THAP6: variants seen among roughly 807,000 people sequenced by gnomAD.
The protein encoded by THAP6 is THAP domain containing 6.
In THAP6, 13 loss-of-function variants were observed where a neutral mutation model predicts 20.0. The ratio of observed to expected loss-of-function variants is 0.65; its 90% CI spans 0.42 to 1.03. THAP6 has a LOEUF of 1.03. Among genes scored for constraint, THAP6 ranks in the 50% least tolerant of loss-of-function variants. The pLI is 0.00. For synonymous variants in THAP6, 93 were observed against 92.2 expected (o/e 1.01, Z -0.05); for missense variants, 262 against 261.6 (o/e 1.00, Z -0.01).
chr4:75,522,038 T>C (rs1423994393), intron 4 of THAP6, 177 bp downstream of exon 4: 3 of 648,458 alleles, frequency 4.6e-6, no homozygotes, highest in Non-Finnish European at 7.3e-6. Context: ...AAAATAGAGG[T>C]AGTTAATCCT....
intron 2 of THAP6, among the ~76,000 whole-genome samples, chr4:75,541,494 T>C (rs1260986833): frequency 6.6e-6 from 1 of 151,700 alleles, no homozygotes; most frequent in African/African-American, 2.4e-5. Context: ...AGAAAAGATA[T>C]ATGCAAACTT....
chr4:75,523,525 C>T (rs965279564), intron 4 of THAP6, among the ~76,000 whole-genome samples: 14 of 151,932 alleles, frequency 9.2e-5, no homozygotes, highest in African/African-American at 3.1e-4. Context: ...ATCTTTAGGC[C>T]GGGTGTGATG....
At chr4:75,530,883 G>A (rs570763251), downstream of THAP6, among the ~76,000 whole-genome samples, 1 of 152,176 alleles carries the variant, frequency 6.6e-6, no homozygotes, top group African/African-American at 2.4e-5. Flanking sequence ...TCTAAATTTT[G>A]CAGGGGACAG....
At chr4:75,522,314 T>A (rs1176046491) in intron 4 of THAP6, 1 of 157,152 alleles carries the variant, frequency 6.4e-6, no homozygotes, top group Non-Finnish European at 1.4e-5. Context: ...TTTTTCTATT[T>A]TTGTGGGTAC....
downstream of THAP6, among the ~76,000 whole-genome samples, chr4:75,532,639 T>G (rs554107932): frequency 2.2e-4 from 33 of 152,352 alleles, no homozygotes; most frequent in Admixed American, 6.5e-4. Context: ...AACAAACTTC[T>G]GCCTGGGCAT....
intron 2 of THAP6, chr4:75,539,956 T>C (rs1223682890): frequency 6.5e-7 from 1 of 1,535,742 alleles, no homozygotes; most frequent in Admixed American, 2.0e-5. Flanking sequence ...GCAACAGTGG[T>C]CAGGTAGGCT....
intron 4 of THAP6, among the ~76,000 whole-genome samples, chr4:75,523,268 G>T (rs757578519): frequency 1.4e-4 from 21 of 152,140 alleles, no homozygotes; most frequent in Non-Finnish European, 2.8e-4. Context: ...TGTGTATTCA[G>T]ATGTTTTGCC....
chr4:75,528,764 A>G lies in THAP6; in HGVS notation c.*1550A>G. ...AGTAGTAAAAAGGTAGTTAAAAAAAAAAAAGGCCGGGTGGTGGCTCATACC... is the reference window on the plus strand; with the variant it reads ...AGTAGTAAAAAGGTAGTTAAAAAAAGAAAAGGCCGGGTGGTGGCTCATACC... On this transcript the variant is annotated 3_prime_UTR_variant, in exon 5 of 5. Transcript: ENST00000311638. 2 of 984,600 alleles carry G rather than the reference A, an allele frequency of 2.0e-6. No homozygotes were observed. Among genetic ancestry groups the G allele is most frequent in the Non-Finnish European group, 2.4e-6 (2 of 829,658 alleles). The allele number at this position is 984,600 out of a possible 1,614,324, so 61.0% of individuals were successfully genotyped here. A position where few individuals can be genotyped will look rare whatever the true frequency, so the allele number is the denominator to read the frequency against.
rs183647481 is a variant in THAP6, at chr4:75,537,478, C to A, written c.166-4931C>A. Among the ~76,000 whole-genome samples, 901 of 151,790 alleles carry A rather than the reference C, an allele frequency of 5.9e-3. 10 individuals carry two copies. The highest frequency in any genetic ancestry group is 0.021 in the African/African-American group (863 of 41,084). ...ACCCATTTTGCTTGGCTCTCATTCTCTCTCTTTGCCTGCCACCATCCTCTT... is the reference window on the plus strand; with the variant it reads ...ACCCATTTTGCTTGGCTCTCATTCTATCTCTTTGCCTGCCACCATCCTCTT... On this transcript the variant is annotated intron_variant, in intron 2 of 4. Transcript: ENST00000502620.
downstream of THAP6, chr4:75,530,033 A>G (rs1438075233): frequency 1.0e-6 from 1 of 977,618 alleles, no homozygotes; most frequent in African/African-American, 1.8e-5. Flanking sequence ...GTAATGTGTT[A>G]TGTGGTTTTA....
intron 4 of THAP6, chr4:75,522,088 G>A: frequency 4.4e-6 from 2 of 454,492 alleles, no homozygotes; most frequent in Non-Finnish European, 7.7e-6. Context: ...GCTTTTGCAA[G>A]GATATTTCTA....
upstream of THAP6, chr4:75,513,925 A>G (rs955329108): frequency 3.2e-6 from 1 of 308,630 alleles, no homozygotes; most frequent in Non-Finnish European, 5.9e-6. Context: ...TTCGGCAGCA[A>G]AAGACGAATA....
At chr4:75,543,720 G>A (rs942468251) in intron 3 of THAP6, among the ~76,000 whole-genome samples, 1 of 152,200 alleles carries the variant, frequency 6.6e-6, no homozygotes, top group African/African-American at 2.4e-5. Flanking sequence ...AACTGGATAG[G>A]TACTGGGCTG....
upstream of THAP6, chr4:75,514,278 C>T: frequency 6.2e-7 from 1 of 1,612,410 alleles, no homozygotes. Context: ...CCCGGGCCGT[C>T]GCCGCCATCT....
At position 75,527,787 on chromosome 4, in the gene THAP6, T is replaced by C. The variant is rs897752916; in HGVS notation, c.*573T>C. 3.0e-6 allele frequency: 3 copies of C among 985,960 alleles called. No homozygotes were observed. The highest frequency in any genetic ancestry group is 3.5e-5 in the African/African-American group (2 of 57,200). The allele number at this position is 985,960 out of a possible 1,614,324, so 61.1% of individuals were successfully genotyped here. ...GTGAAGATCTGTGGGCTTTTAAAAT[T>C]GTTCACAGCCAATTTAAGAAGACCC... On this transcript the variant is annotated 3_prime_UTR_variant, in exon 5 of 5. Coordinates refer to ENST00000311638, the MANE Select transcript of THAP6 (RefSeq NM_144721.6).
At position 75,527,704 on chromosome 4, in the gene THAP6, G is replaced by T. The variant is rs957748520; in HGVS notation, c.*490G>T. On this transcript the variant is annotated 3_prime_UTR_variant, in exon 5 of 5. Transcript: ENST00000311638. Reference sequence around the variant, plus strand: ...ATCCAAGGTGCTTTAGCTATCAGTAGTACCAAAGGATCTTTTTACAAGGCT... The same window carrying T: ...ATCCAAGGTGCTTTAGCTATCAGTATTACCAAAGGATCTTTTTACAAGGCT... 1 of 990,148 alleles carries T rather than the reference G, an allele frequency of 1.0e-6. No individual in the cohort carries two copies. Among genetic ancestry groups the T allele is most frequent in the African/African-American group, 1.7e-5 (1 of 57,358 alleles). The allele number at this position is 990,148 out of a possible 1,614,324, so 61.3% of individuals were successfully genotyped here.
At chr4:75,522,042 T>A in intron 4 of THAP6, 181 bp downstream of exon 4, 1 of 645,752 alleles carries the variant, frequency 1.5e-6, no homozygotes, top group Non-Finnish European at 2.5e-6. Flanking sequence ...TAGAGGTAGT[T>A]AATCCTTTGG....
At chr4:75,526,830 T>C in intron 4 of THAP6, 130 bp from the exon 5 acceptor site, 1 of 1,382,522 alleles carries the variant, frequency 7.2e-7, no homozygotes, top group Non-Finnish European at 9.6e-7. Context: ...CCTGTGTTCC[T>C]TAAACCTCTA....
chr4:75,516,995 A>T lies in THAP6; in HGVS notation c.288+16A>T. 6.8e-7 allele frequency: 1 copy of T among 1,467,654 alleles called. No individual in the cohort carries two copies. The highest frequency in any genetic ancestry group is 9.4e-7 in the Non-Finnish European group (1 of 1,067,114). The allele number at this position is 1,467,654 out of a possible 1,614,324, so 90.9% of individuals were successfully genotyped here. A position where few individuals can be genotyped will look rare whatever the true frequency, so the allele number is the denominator to read the frequency against. On this transcript the variant is annotated intron_variant, in intron 3 of 4. Transcript: ENST00000311638. ...TCACCTACAGGTTTGTTTATGAGAT[A>T]CTGTTTACCATCATTGCTCACTTTT... is the stretch of plus-strand genomic sequence containing the variant.
Sources: allele counts gnomAD v4.1 joint callset (sites outside exome capture counted in the v4.1 genomes callset), GRCh38; gene constraint gnomAD v4.1.1; transcripts MANE v1.5; gene names NCBI Gene and HGNC (gene_info 2026-07-23, HGNC 2026-07-21).